The following UST variants were observed in gnomAD, a reference collection of about 807,000 sequenced individuals.
UST encodes the protein chondroitin sulfate 2-O-sulfotransferase.
UST carries 21 observed loss-of-function variants against 45.6 expected under a neutral mutation model. That is an observed-to-expected ratio of 0.46 (90% CI 0.33 to 0.66). The LOEUF (loss-of-function observed/expected upper bound fraction) is 0.66. UST is among the 30% of genes least tolerant of loss of function. The pLI, the probability that UST is intolerant of heterozygous loss-of-function variation, is 0.02. For synonymous variants in UST, 215 were observed against 200.6 expected (o/e 1.07, Z -0.61); for missense variants, 463 against 512.4 (o/e 0.90, Z 0.93).
At chr6:148,796,355 T>G (rs1776947923) in intron 1 of UST, among the ~76,000 whole-genome samples, 1 of 151,974 alleles carries the variant, frequency 6.6e-6, no homozygotes, top group African/African-American at 2.4e-5. Flanking sequence ...AAATTGTAGG[T>G]TCAGAGCTGG....
chr6:148,896,641 A>G (rs1305253343), intron 2 of UST, among the ~76,000 whole-genome samples: 1 of 152,188 alleles, frequency 6.6e-6, no homozygotes, highest in African/African-American at 2.4e-5. Flanking sequence ...AATTATTTTT[A>G]ATTATGAACT....
At chr6:148,945,057 T>C (rs1413023678) in intron 3 of UST, among the ~76,000 whole-genome samples, 1 of 152,202 alleles carries the variant, frequency 6.6e-6, no homozygotes, top group Non-Finnish European at 1.5e-5. Flanking sequence ...TTCATTCTCT[T>C]TAAAGAAAAG....
chr6:148,983,063 G>A (rs1473258533), intron 5 of UST, among the ~76,000 whole-genome samples: 3 of 152,218 alleles, frequency 2.0e-5, no homozygotes, highest in South Asian at 4.1e-4. Flanking sequence ...TGAGCACTGA[G>A]AATTTTAAGA....
chr6:149,071,139 G>T (rs549548756), intron 7 of UST, among the ~76,000 whole-genome samples: 2 of 152,220 alleles, frequency 1.3e-5, no homozygotes, highest in South Asian at 4.1e-4. Context: ...CAAATAATAG[G>T]TCTTATTCAT....
intron 1 of UST, among the ~76,000 whole-genome samples, chr6:148,801,085 A>G (rs1431375136): frequency 6.6e-6 from 1 of 152,206 alleles, no homozygotes; most frequent in African/African-American, 2.4e-5. Flanking sequence ...TCAGGAGTGA[A>G]GCTGCCTCAT....
At chr6:148,977,751 CAAAAAAAAAAAA>C (rs60475773) in intron 5 of UST, among the ~76,000 whole-genome samples, 1 of 88,198 alleles carries the variant, frequency 1.1e-5, no homozygotes, top group African/African-American at 4.3e-5. Flanking sequence ...GAATCTGTCT[CAAAAAAAAAAAA>C]AAAAAAAAGA....
chr6:148,983,643 A>G, intron 5 of UST, among the ~76,000 whole-genome samples: 1 of 152,238 alleles, frequency 6.6e-6, no homozygotes, highest in East Asian at 1.9e-4. Flanking sequence ...TACCAGGAAA[A>G]GCGAATGTAG....
At chr6:148,865,666 GT>G (rs1778413101) in intron 1 of UST, among the ~76,000 whole-genome samples, 1 of 4,582 alleles carries the variant, frequency 2.2e-4, no homozygotes, top group Non-Finnish European at 5.2e-4. Flanking sequence ...TGCTGAAATT[GT>G]GTGTGTGTGT....
chr6:149,070,519 G>A (rs58877156), intron 7 of UST, among the ~76,000 whole-genome samples: 6,176 of 152,230 alleles, frequency 0.041, 415 homozygotes, highest in African/African-American at 0.14. Flanking sequence ...CTGTGCAAAG[G>A]ACCCAACCTG....
chr6:148,961,891 AG>A (rs1186695635), intron 4 of UST, among the ~76,000 whole-genome samples: 1 of 152,248 alleles, frequency 6.6e-6, no homozygotes, highest in Non-Finnish European at 1.5e-5. Flanking sequence ...GAATGAGGGT[AG>A]GGAAATTGCT....
rs573703833 is a variant in UST, at chr6:148,969,565, A to G, written c.681+5002A>G. ...GGAGAGTCTATTGAGCATTCTACAC[A>G]GAAGTGCTTTGGAAGCTAAAACTCT... On this transcript the variant is annotated intron_variant, in intron 5 of 7. Transcript: ENST00000367463. 1.0e-3 allele frequency among the ~76,000 whole-genome samples: 152 copies of G among 152,306 alleles called. 2 individuals are homozygous for G. Among genetic ancestry groups the G allele is most frequent in the African/African-American group, 3.4e-3 (140 of 41,580 alleles).
At chr6:148,800,314 A>G (rs1048924992) in intron 1 of UST, among the ~76,000 whole-genome samples, 50 of 152,218 alleles carry the variant, frequency 3.3e-4, no homozygotes, top group Non-Finnish European at 8.8e-5. Context: ...GGCCTGTATC[A>G]TAGTCAGAAC....
Position 149,074,549 on chromosome 6 carries a change from A to G in UST, c.*433A>G, listed in dbSNP as rs575400298. ...TCAGAGACCAGGGTATCTCCTCTGGAAGGATCTAAGAGAAGGTAAGACAGA... is the reference window on the plus strand; with the variant it reads ...TCAGAGACCAGGGTATCTCCTCTGGGAGGATCTAAGAGAAGGTAAGACAGA... On this transcript the variant is annotated 3_prime_UTR_variant, in exon 8 of 8. Transcript: ENST00000367463. 1 of 184,870 alleles carries G rather than the reference A, an allele frequency of 5.4e-6. No individual in the cohort carries two copies. The highest frequency in any genetic ancestry group is 1.3e-4 in the East Asian group (1 of 7,488). The allele number at this position is 184,870 out of a possible 1,614,324, so 11.5% of individuals were successfully genotyped here.
rs561766645 is a variant in UST at position 148,844,087 on chromosome 6, C to T, written c.248-42899C>T. On this transcript the variant is annotated intron_variant, in intron 1 of 7. Coordinates refer to ENST00000367463, the MANE Select transcript of UST (RefSeq NM_005715.3). ...GTCTCCTTTAGGTAGCTTTCTCTGA[C>T]CCACTTTGTCACTGAGGCAGAATTG... Among the ~76,000 whole-genome samples the T allele has an allele frequency of 5.3e-5, 8 of 152,298 alleles. No individual in the cohort carries two copies. The South Asian group carries it at 1.4e-3, about 28-fold the overall frequency.
chr6:148,871,847 G>C (rs1206166240), intron 1 of UST, among the ~76,000 whole-genome samples: 2 of 152,264 alleles, frequency 1.3e-5, no homozygotes, highest in Middle Eastern at 3.4e-3. Context: ...GACCACTTAG[G>C]GTCAAAAATG....
chr6:149,060,116 C>G (rs1387161325), intron 7 of UST, among the ~76,000 whole-genome samples: 1 of 152,190 alleles, frequency 6.6e-6, no homozygotes, highest in South Asian at 2.1e-4. Flanking sequence ...TTTTAAACAA[C>G]AAGAAAGTAA....
chr6:149,010,737 A>G (rs1271702165), intron 5 of UST, among the ~76,000 whole-genome samples: 1 of 151,852 alleles, frequency 6.6e-6, no homozygotes, highest in Non-Finnish European at 1.5e-5. Flanking sequence ...TACTAAAAAT[A>G]CAAAAATTAG....
intron 2 of UST, among the ~76,000 whole-genome samples, chr6:148,899,648 T>C (rs1763104521): frequency 6.6e-6 from 1 of 152,350 alleles, no homozygotes; most frequent in South Asian, 2.1e-4. Flanking sequence ...CATCAGTCCT[T>C]GTATGTTTAA....
chr6:148,992,021 A>G (rs2486403), intron 5 of UST, among the ~76,000 whole-genome samples: 141,709 of 152,254 alleles, frequency 0.93, 66,333 homozygotes, highest in African/African-American at 0.97. Context: ...TTATTGTCGT[A>G]AGTATGGTGG....
Sources: allele counts gnomAD v4.1 joint callset (sites outside exome capture counted in the v4.1 genomes callset), GRCh38; gene constraint gnomAD v4.1.1; transcripts MANE v1.5; gene names NCBI Gene and HGNC (gene_info 2026-07-23, HGNC 2026-07-21).